The following TRPS1 variants were observed in gnomAD, a reference collection of about 807,000 sequenced individuals.
TRPS1 encodes transcriptional repressor GATA binding 1.
A neutral mutation model predicts 101.2 loss-of-function variants in TRPS1; 6 were observed. The ratio of observed to expected loss-of-function variants is 0.06; its 90% CI spans 0.03 to 0.12. The LOEUF (loss-of-function observed/expected upper bound fraction) is 0.12. TRPS1 is among the 10% of genes least tolerant of loss of function. TRPS1 has a pLI of 1.00. For synonymous variants in TRPS1, 578 were observed against 589.8 expected, an observed-to-expected ratio of 0.98 and a Z score of 0.29; for missense variants, 1,363 against 1,567.0, an observed-to-expected ratio of 0.87 and a Z score of 2.20.
At chr8:115,495,107 G>A (rs1815116281) in intron 5 of TRPS1, among the ~76,000 whole-genome samples, 1 of 152,106 alleles carries the variant, frequency 6.6e-6, no homozygotes, top group Admixed American at 6.5e-5. Flanking sequence ...TGCAGAGGAT[G>A]TACCATGGCT....
intron 4 of TRPS1, among the ~76,000 whole-genome samples, chr8:115,601,439 T>C (rs1032338095): frequency 6.6e-6 from 1 of 152,194 alleles, no homozygotes; most frequent in African/African-American, 2.4e-5. Flanking sequence ...CAGCTTTCAG[T>C]CGAGTTTCTT....
intron 1 of TRPS1, among the ~76,000 whole-genome samples, chr8:115,632,489 C>T (rs182671639): frequency 4.6e-5 from 7 of 152,210 alleles, no homozygotes; most frequent in African/African-American, 1.7e-4. Flanking sequence ...CACACAAACA[C>T]ACGTGCACAC....
intron 5 of TRPS1, among the ~76,000 whole-genome samples, chr8:115,564,466 A>G (rs1817019711): frequency 1.3e-5 from 2 of 152,150 alleles, no homozygotes; most frequent in South Asian, 2.1e-4. Context: ...ACACAGGTCT[A>G]TTTATACAAA....
At chr8:115,482,915 A>G (rs1226722153) in intron 5 of TRPS1, among the ~76,000 whole-genome samples, 2 of 152,246 alleles carry the variant, frequency 1.3e-5, no homozygotes, top group Admixed American at 6.5e-5. Context: ...CATGTGATCA[A>G]TATAACTGGT....
chr8:115,542,431 A>G (rs1004519477), intron 5 of TRPS1, among the ~76,000 whole-genome samples: 2 of 152,140 alleles, frequency 1.3e-5, no homozygotes, highest in Admixed American at 1.3e-4. Context: ...TAAAGCTATT[A>G]TACTAAGATG....
chr8:115,595,820 T>C (rs529998239), intron 4 of TRPS1, among the ~76,000 whole-genome samples: 1 of 152,032 alleles, frequency 6.6e-6, no homozygotes, highest in South Asian at 2.1e-4. Flanking sequence ...AAATTTCTAA[T>C]AAATCATGTA....
At chr8:115,544,311 G>A (rs2130316705) in intron 5 of TRPS1, among the ~76,000 whole-genome samples, 1 of 151,840 alleles carries the variant, frequency 6.6e-6, no homozygotes, top group Admixed American at 6.6e-5. Context: ...GCATTACTAT[G>A]AGGATTTAGT....
intron 5 of TRPS1, among the ~76,000 whole-genome samples, chr8:115,554,958 G>C (rs1816783361): frequency 6.6e-6 from 1 of 152,066 alleles, no homozygotes; most frequent in Admixed American, 6.6e-5. Flanking sequence ...GAATGGAACA[G>C]GGCAAGAGGG....
intron 5 of TRPS1, among the ~76,000 whole-genome samples, chr8:115,576,318 TCTAG>T (rs1316136178): frequency 0.02 from 2,978 of 149,630 alleles, 100 homozygotes; most frequent in African/African-American, 0.068. Context: ...TAGATATAGA[TCTAG>T]ATCTTTGGAC....
At chr8:115,607,424 G>GT (rs1161396324) in intron 3 of TRPS1, among the ~76,000 whole-genome samples, 1,903 of 139,766 alleles carry the variant, frequency 0.014, 19 homozygotes, top group Middle Eastern at 0.022. Context: ...GTCTAGATGT[G>GT]TTTTTTTTTT....
At chr8:115,508,749 T>C (rs972704654) in intron 5 of TRPS1, among the ~76,000 whole-genome samples, 2 of 151,978 alleles carry the variant, frequency 1.3e-5, no homozygotes, top group Non-Finnish European at 2.9e-5. Flanking sequence ...TCTTGTAACT[T>C]TGCTATGGTT....
intron 5 of TRPS1, among the ~76,000 whole-genome samples, chr8:115,530,401 T>C (rs749362872): frequency 2.6e-5 from 4 of 152,058 alleles, no homozygotes; most frequent in African/African-American, 9.7e-5. Flanking sequence ...GCCAGTAACC[T>C]AGGGATCTGG....
Position 115,587,018 on chromosome 8 carries a change from A to G in TRPS1, c.2683T>C (p.Ser895Pro). Residue 895 changes from serine (S) to proline (P), a missense_variant, in exon 5 of 7, where the codon TCC becomes CCC. Physicochemically the swap from Ser to Pro is moderately conservative, Grantham distance 74 (BLOSUM62 -1). Coordinates refer to ENST00000395715, the MANE Select transcript of TRPS1 (RefSeq NM_014112.5). The stretch of plus-strand genomic sequence containing the variant: ...CATCCTACCCGTAACAGGGACTGGG[A>G]TTCATCCTTGGACTTGTTTTCTCCC... ...ASGENKSKDE[S>P]QSLLRRRRGS... The G allele has an allele frequency of 1.9e-6, 3 of 1,614,192 alleles. No individual in the cohort carries two copies. Among genetic ancestry groups the G allele is most frequent in the Non-Finnish European group, 2.5e-6 (3 of 1,180,024 alleles).
intron 3 of TRPS1, among the ~76,000 whole-genome samples, chr8:115,608,059 T>G (rs908058682): frequency 2.6e-5 from 4 of 152,202 alleles, no homozygotes. Flanking sequence ...ACTTATTGTC[T>G]GGAAACAGTG....
At chr8:115,644,802 G>A (rs956830837) in intron 1 of TRPS1, among the ~76,000 whole-genome samples, 1 of 152,112 alleles carries the variant, frequency 6.6e-6, no homozygotes, top group Non-Finnish European at 1.5e-5. Context: ...TCATTGTAGG[G>A]TTATTAATAG....
intron 5 of TRPS1, among the ~76,000 whole-genome samples, chr8:115,437,189 A>C (rs1813477305): frequency 6.6e-6 from 1 of 152,212 alleles, no homozygotes; most frequent in South Asian, 2.1e-4. Context: ...AGTTTTTTAC[A>C]AAAGCCACAC....
intron 5 of TRPS1, among the ~76,000 whole-genome samples, chr8:115,465,315 C>A (rs549438136): frequency 2.6e-5 from 4 of 152,142 alleles, no homozygotes; most frequent in African/African-American, 9.6e-5. Context: ...ATAGTTCTAG[C>A]ATCAAAAATG....
chr8:115,591,831 C>T (rs1817686088), intron 4 of TRPS1, among the ~76,000 whole-genome samples: 2 of 152,168 alleles, frequency 1.3e-5, no homozygotes, highest in African/African-American at 4.8e-5. Context: ...TCAATTCACA[C>T]TTCTTTTGAA....
chr8:115,535,175 A>ATG (rs1184403866), intron 5 of TRPS1, among the ~76,000 whole-genome samples: 12 of 148,076 alleles, frequency 8.1e-5, no homozygotes, highest in Admixed American at 1.4e-4. Flanking sequence ...TGTATTGCAT[A>ATG]TATAGCATAT....
Sources: allele counts gnomAD v4.1 joint callset (sites outside exome capture counted in the v4.1 genomes callset), GRCh38; gene constraint gnomAD v4.1.1; transcripts MANE v1.5; gene names NCBI Gene and HGNC (gene_info 2026-07-23, HGNC 2026-07-21).